Variants in ARHGEF6 observed in about 807,000 individuals in gnomAD.
ARHGEF6 encodes the protein Rac/Cdc42 guanine nucleotide exchange factor 6, also known as rho guanine nucleotide exchange factor 6.
A neutral mutation model predicts 70.3 loss-of-function variants in ARHGEF6; 9 were observed. That is an observed-to-expected ratio of 0.13 (90% CI 0.08 to 0.22). The LOEUF (loss-of-function observed/expected upper bound fraction) is 0.22. ARHGEF6 is among the 10% of genes least tolerant of loss of function. The pLI is 1.00. For missense variants in ARHGEF6, 470 were observed against 563.0 expected (o/e 0.83, Z 1.67); for synonymous variants, 201 against 207.8 (o/e 0.97, Z 0.28).
At chrX:136,760,672 ATAG>A (rs2077256368) in intron 2 of ARHGEF6, among the ~76,000 whole-genome samples, 2 of 111,815 alleles carry the variant, frequency 1.8e-5, no homozygotes, top group African/African-American at 6.5e-5. Context: ...TGTTTTTTAA[ATAG>A]AAGCCATTGA....
rs532222663 is a variant in ARHGEF6 at position 136,699,469 on chromosome X, C to T, written c.1046+7439G>A. On this transcript the variant is annotated intron_variant, in intron 9 of 21. Transcript: ENST00000250617. ...GCACTTCTGATTTCAGCTCTGACAT[C>T]GAAAGAGCTTGGAAGTCATCACACT... 7.2e-5 allele frequency among the ~76,000 whole-genome samples: 8 copies of T among 111,116 alleles called. No homozygotes were observed. In the South Asian group the frequency reaches 3.0e-3, roughly 42 times the overall value.
chrX:136,721,419 C>T (rs2076795573), intron 6 of ARHGEF6, among the ~76,000 whole-genome samples: 1 of 110,535 alleles, frequency 9.0e-6, no homozygotes, highest in South Asian at 3.8e-4. Context: ...AAAAATTAGC[C>T]AGGTGTGGTG....
At chrX:136,733,727 G>A (rs1473119799) in intron 5 of ARHGEF6, among the ~76,000 whole-genome samples, 1 of 112,066 alleles carries the variant, frequency 8.9e-6, no homozygotes, top group African/African-American at 3.2e-5. Flanking sequence ...CTCATTTTAC[G>A]GAGGAGGCCA....
At chrX:136,777,978 GA>G (rs2077419877) in intron 2 of ARHGEF6, among the ~76,000 whole-genome samples, 1 of 110,449 alleles carries the variant, frequency 9.1e-6, no homozygotes, top group South Asian at 3.8e-4. Flanking sequence ...GGGCTCTGGG[GA>G]CTCAGGGGGA....
At chrX:136,754,741 C>G (rs921897408) in intron 2 of ARHGEF6, among the ~76,000 whole-genome samples, 4 of 112,004 alleles carry the variant, frequency 3.6e-5, no homozygotes, top group African/African-American at 1.3e-4. Flanking sequence ...GGACAGGAAG[C>G]AGGAGGCCTA....
Position 136,682,823 on chromosome X carries a change from T to C in ARHGEF6, c.1414A>G (p.Met472Val), listed in dbSNP as rs750409513. The C allele has an allele frequency of 8.3e-7, 1 of 1,207,665 alleles. No individual in the cohort carries two copies. The highest frequency in any genetic ancestry group is 1.1e-6 in the Non-Finnish European group (1 of 891,762). ...ATTATCAGGACATTTGAAAATAACATAAGGTACCGCTCCTCTTTTTCCTGA... is the reference window on the plus strand; with the variant it reads ...ATTATCAGGACATTTGAAAATAACACAAGGTACCGCTCCTCTTTTTCCTGA... ...ACEEKEERYL[M>V]LFSNVLIMLS... Residue 472 changes from methionine to valine, a missense_variant, in exon 13 of 22, where the codon ATG becomes GTG. Coordinates refer to ENST00000250617, the MANE Select transcript of ARHGEF6 (RefSeq NM_004840.3).
chrX:136,756,245 T>C (rs761653183), intron 2 of ARHGEF6, among the ~76,000 whole-genome samples: 2 of 111,808 alleles, frequency 1.8e-5, no homozygotes, highest in South Asian at 7.5e-4. Context: ...ATCAGCAAAA[T>C]TAAGCTCTGT....
chrX:136,777,761 T>TACACACACACAC (rs376800070), intron 2 of ARHGEF6, among the ~76,000 whole-genome samples: 23,236 of 98,159 alleles, frequency 0.24, 2,350 homozygotes, highest in South Asian at 0.28. Flanking sequence ...TATGTATACA[T>TACACACACACAC]ACACACACAC....
chrX:136,688,755 G>A (rs1203126532), intron 10 of ARHGEF6, among the ~76,000 whole-genome samples: 1 of 112,337 alleles, frequency 8.9e-6, no homozygotes, highest in African/African-American at 3.2e-5. Context: ...TCAGCAGTGT[G>A]AACATGGCAG....
At chrX:136,730,921 C>T (rs1317471182) in intron 6 of ARHGEF6, among the ~76,000 whole-genome samples, 2 of 111,312 alleles carry the variant, frequency 1.8e-5, no homozygotes, top group Non-Finnish European at 3.8e-5. Flanking sequence ...ATGATATGCT[C>T]CAGACCCACA....
At chrX:136,730,795 T>C (rs1479840626) in intron 6 of ARHGEF6, among the ~76,000 whole-genome samples, 1 of 111,649 alleles carries the variant, frequency 9.0e-6, no homozygotes. Flanking sequence ...CCATTATATA[T>C]ATAGGATTGA....
rs1202752124 is a variant in ARHGEF6, at chrX:136,747,500, C to T, written c.334+8G>A. On this transcript the variant is annotated splice_region_variant and intron_variant, in intron 3 of 21. Transcript: ENST00000250617. Reference sequence around the variant, plus strand: ...ACCCAGAACATATAAATCACAAGCCCGGCTTACCTTCTGTTGCTTTGTTGA... The same window carrying T: ...ACCCAGAACATATAAATCACAAGCCTGGCTTACCTTCTGTTGCTTTGTTGA... 1.0e-5 allele frequency: 12 copies of T among 1,201,558 alleles called. No homozygotes were observed. Among genetic ancestry groups the T allele is most frequent in the African/African-American group, 5.4e-5 (3 of 56,029 alleles).
intron 6 of ARHGEF6, among the ~76,000 whole-genome samples, chrX:136,730,734 G>A (rs977746145): frequency 3.6e-5 from 4 of 111,841 alleles, no homozygotes; most frequent in Admixed American, 9.5e-5. Flanking sequence ...AACAACACAC[G>A]TCTTCCAACA....
intron 6 of ARHGEF6, among the ~76,000 whole-genome samples, chrX:136,729,014 C>A (rs973183570): frequency 2.6e-5 from 2 of 76,324 alleles, no homozygotes; most frequent in African/African-American, 1.1e-4. Flanking sequence ...CTCTCTCTCT[C>A]TCTCTCTCTC....
At chrX:136,724,295 G>A (rs1460394156) in intron 6 of ARHGEF6, among the ~76,000 whole-genome samples, 1 of 109,156 alleles carries the variant, frequency 9.2e-6, no homozygotes, top group African/African-American at 3.3e-5. Flanking sequence ...GGCCAGGCTG[G>A]TCTCGAACTC....
intron 6 of ARHGEF6, among the ~76,000 whole-genome samples, chrX:136,716,687 T>C (rs1569406478): frequency 1.8e-5 from 2 of 112,215 alleles, no homozygotes; most frequent in Non-Finnish European, 3.8e-5. Flanking sequence ...GTAACTGTGA[T>C]TAATATACTA....
At chrX:136,682,964 ATT>A in intron 12 of ARHGEF6, 120 bp from the exon 13 acceptor site, 1 of 547,459 alleles carries the variant, frequency 1.8e-6, no homozygotes, top group Non-Finnish European at 2.9e-6. Flanking sequence ...ATTAACGGTA[ATT>A]TTTTTTTTAA....
intron 2 of ARHGEF6, among the ~76,000 whole-genome samples, chrX:136,763,485 T>G: frequency 8.9e-6 from 1 of 112,219 alleles, no homozygotes; most frequent in Non-Finnish European, 1.9e-5. Flanking sequence ...AAACCCTTCC[T>G]AAGCACTTGC....
At chrX:136,689,705 C>T (rs997176982) in intron 10 of ARHGEF6, among the ~76,000 whole-genome samples, 4 of 111,567 alleles carry the variant, frequency 3.6e-5, no homozygotes, top group Non-Finnish European at 5.7e-5. Flanking sequence ...CGGCAGAGTG[C>T]GGGTGCACTC....
Sources: allele counts gnomAD v4.1 joint callset (sites outside exome capture counted in the v4.1 genomes callset), GRCh38; gene constraint gnomAD v4.1.1; transcripts MANE v1.5; gene names NCBI Gene and HGNC (gene_info 2026-07-23, HGNC 2026-07-21).